Variants in GRIP1 observed in about 807,000 individuals in gnomAD.
GRIP1 encodes glutamate receptor interacting protein 1, also known as glutamate receptor-interacting protein 1.
GRIP1 carries 45 observed loss-of-function variants against 129.9 expected under a neutral mutation model. The ratio of observed to expected loss-of-function variants is 0.35; its 90% CI spans 0.27 to 0.44. The LOEUF is 0.44. GRIP1 is among the 20% of genes least tolerant of loss of function. GRIP1 has a pLI of 1.00. For synonymous variants in GRIP1, 530 were observed against 520.8 expected (o/e 1.02, Z -0.24); for missense variants, 1,196 against 1,396.8 (o/e 0.86, Z 2.29).
intron 1 of GRIP1, among the ~76,000 whole-genome samples, chr12:66,616,959 G>C (rs1304931302): frequency 6.6e-6 from 1 of 151,970 alleles, no homozygotes; most frequent in Non-Finnish European, 1.5e-5. Context: ...TAAATCACAA[G>C]GGCCTCGGGC....
At chr12:67,011,645 A>G (rs1311258504) in intron 1 of GRIP1, among the ~76,000 whole-genome samples, 3 of 151,814 alleles carry the variant, frequency 2.0e-5, no homozygotes, top group Non-Finnish European at 1.5e-5. Flanking sequence ...CCCAACTTAA[A>G]TCCTACTTTC....
At chr12:66,538,376 G>A (rs936566944) in intron 4 of GRIP1, among the ~76,000 whole-genome samples, 4 of 149,208 alleles carry the variant, frequency 2.7e-5, no homozygotes, top group African/African-American at 9.9e-5. Flanking sequence ...ATCTTTTTTT[G>A]GTAGAAACAT....
chr12:66,484,534 A>G (rs2138599949), intron 7 of GRIP1, among the ~76,000 whole-genome samples: 1 of 152,348 alleles, frequency 6.6e-6, no homozygotes, highest in South Asian at 2.1e-4. Context: ...AGCAACATGG[A>G]TGGGTCTGGA....
chr12:66,372,208 G>A, intron 22 of GRIP1: 1 of 527,714 alleles, frequency 1.9e-6, no homozygotes, highest in Non-Finnish European at 3.4e-6. Flanking sequence ...AAATTGAAAT[G>A]CTCTAACATT....
At chr12:66,755,271 C>T (rs534139529) in intron 1 of GRIP1, among the ~76,000 whole-genome samples, 1 of 152,280 alleles carries the variant, frequency 6.6e-6, no homozygotes, top group South Asian at 2.1e-4. Flanking sequence ...TAAAGCTGCT[C>T]TCTTTCATTG....
intron 1 of GRIP1, among the ~76,000 whole-genome samples, chr12:66,643,311 T>C (rs1287272125): frequency 6.6e-6 from 1 of 152,238 alleles, no homozygotes; most frequent in Non-Finnish European, 1.5e-5. Context: ...TGTATCACAG[T>C]GGCAATAGTA....
chr12:66,552,103 A>T (rs140050064), intron 2 of GRIP1, among the ~76,000 whole-genome samples: 3 of 152,312 alleles, frequency 2.0e-5, no homozygotes, highest in African/African-American at 7.2e-5. Flanking sequence ...GTCATTGCTG[A>T]GTTAGGTCGC....
At chr12:66,992,153 C>CA (rs1262861903) in intron 1 of GRIP1, among the ~76,000 whole-genome samples, 1 of 151,854 alleles carries the variant, frequency 6.6e-6, no homozygotes, top group Non-Finnish European at 1.5e-5. Flanking sequence ...GAAACAATTG[C>CA]AAAAAATTAA....
At chr12:66,375,967 T>A (rs1400531311) in intron 22 of GRIP1, among the ~76,000 whole-genome samples, 1 of 152,258 alleles carries the variant, frequency 6.6e-6, no homozygotes, top group East Asian at 1.9e-4. Context: ...GGGCTACTTT[T>A]CTTCATCATT....
At chr12:66,767,274 C>T (rs1391820101) in intron 1 of GRIP1, among the ~76,000 whole-genome samples, 2 of 152,036 alleles carry the variant, frequency 1.3e-5, no homozygotes, top group African/African-American at 4.8e-5. Flanking sequence ...GGTACTTTAA[C>T]AAGATGTCTT....
At chr12:66,633,474 A>C (rs1030542422) in intron 1 of GRIP1, among the ~76,000 whole-genome samples, 1 of 151,906 alleles carries the variant, frequency 6.6e-6, no homozygotes, top group African/African-American at 2.4e-5. Flanking sequence ...TTTTAAGATC[A>C]CTATTTAAAA....
At chr12:66,422,817 C>T (rs2057853814) in intron 14 of GRIP1, among the ~76,000 whole-genome samples, 3 of 152,050 alleles carry the variant, frequency 2.0e-5, no homozygotes, top group South Asian at 4.1e-4. Flanking sequence ...TTAATGGACT[C>T]GATAGGGTGG....
intron 19 of GRIP1, among the ~76,000 whole-genome samples, chr12:66,382,785 G>C (rs922790332): frequency 3.3e-5 from 5 of 152,200 alleles, no homozygotes; most frequent in African/African-American, 1.2e-4. Flanking sequence ...AAACTGCATT[G>C]TTTGGTATAT....
intron 1 of GRIP1, among the ~76,000 whole-genome samples, chr12:66,647,835 G>A (rs2032491872): frequency 6.6e-6 from 1 of 152,108 alleles, no homozygotes. Flanking sequence ...GAGATGATGG[G>A]TTTTGGAACT....
intron 2 of GRIP1, among the ~76,000 whole-genome samples, chr12:66,557,539 C>A (rs1191294191): frequency 6.6e-6 from 1 of 152,136 alleles, no homozygotes; most frequent in Non-Finnish European, 1.5e-5. Flanking sequence ...GCACGTGGAT[C>A]ATCCTCGAGA....
chr12:66,489,920 A>T (rs1381074885), intron 7 of GRIP1, among the ~76,000 whole-genome samples: 1 of 152,206 alleles, frequency 6.6e-6, no homozygotes. Context: ...TACAGCTAAT[A>T]AGGGAAGTGA....
At chr12:66,445,091 A>G (rs748161879) in intron 12 of GRIP1, among the ~76,000 whole-genome samples, 3 of 152,198 alleles carry the variant, frequency 2.0e-5, no homozygotes, top group Non-Finnish European at 4.4e-5. Context: ...CTCCTTTTTA[A>G]TTAATATAGC....
chr12:66,446,543 A>G (rs148187335), intron 11 of GRIP1, among the ~76,000 whole-genome samples: 2 of 152,276 alleles, frequency 1.3e-5, no homozygotes, highest in Admixed American at 6.5e-5. Flanking sequence ...CGGTACATTG[A>G]TTCAACTACT....
chr12:66,762,550 A>G (rs910938019), intron 1 of GRIP1, among the ~76,000 whole-genome samples: 2 of 152,206 alleles, frequency 1.3e-5, no homozygotes, highest in Non-Finnish European at 2.9e-5. Flanking sequence ...GATTTAATAT[A>G]TGCTGTACAA....
Sources: allele counts gnomAD v4.1 joint callset (sites outside exome capture counted in the v4.1 genomes callset), GRCh38; gene constraint gnomAD v4.1.1; transcripts MANE v1.5; gene names NCBI Gene and HGNC (gene_info 2026-07-23, HGNC 2026-07-21).